TLN2: variants seen among roughly 807,000 people sequenced by gnomAD.
TLN2 encodes the protein talin-2.
In TLN2, 118 loss-of-function variants were observed where a neutral mutation model predicts 294.7. That is an observed-to-expected ratio of 0.40 (90% CI 0.34 to 0.47). The LOEUF is 0.47. TLN2 is among the 20% of genes least tolerant of loss of function. The pLI is 0.84. For missense variants in TLN2, 3,083 were observed against 3,282.2 expected, an observed-to-expected ratio of 0.94 and a Z score of 1.48; for synonymous variants, 1,431 against 1,304.5, an observed-to-expected ratio of 1.10 and a Z score of -2.09.
chr15:62,712,095 T>A lies in TLN2; in HGVS notation c.2634+18T>A, dbSNP rs1018727588. The A allele has an allele frequency of 9.3e-6, 15 of 1,611,190 alleles. No individual in the cohort carries two copies. The highest frequency in any genetic ancestry group is 2.7e-5 in the African/African-American group (2 of 75,018). Reference sequence around the variant, plus strand: ...CTGCAAAGGTATTCTACTGGATTTGTTTGTATGAAAAGTGAACACTATTAA... The same window carrying A: ...CTGCAAAGGTATTCTACTGGATTTGATTGTATGAAAAGTGAACACTATTAA... On this transcript the variant is annotated intron_variant, in intron 22 of 58. Coordinates refer to ENST00000636159, the MANE Select transcript of TLN2 (RefSeq NM_015059.3).
chr15:62,762,497 G>A (rs1300718729), intron 39 of TLN2, 44 bp downstream of exon 39: 9 of 1,601,138 alleles, frequency 5.6e-6, no homozygotes, highest in Non-Finnish European at 6.0e-6. Flanking sequence ...GCATCTCAGC[G>A]GGGAAGGAGG....
chr15:62,824,726 AAGTTTGGGATTATG>A (rs1344927877), intron 54 of TLN2, among the ~76,000 whole-genome samples: 1 of 152,222 alleles, frequency 6.6e-6, no homozygotes, highest in African/African-American at 2.4e-5. Context: ...CTGTGGCAGG[AAGTTTGGGATTATG>A]ATATAGAAAA....
At chr15:62,718,279 T>A (rs2059910800) in intron 24 of TLN2, among the ~76,000 whole-genome samples, 1 of 152,192 alleles carries the variant, frequency 6.6e-6, no homozygotes, top group Non-Finnish European at 1.5e-5. Context: ...CCCCCAGGGC[T>A]CCTCTTAATG....
chr15:62,617,962 CTTTTTTT>C (rs768055599), intron 2 of TLN2, among the ~76,000 whole-genome samples: 1,423 of 136,150 alleles, frequency 0.01, 30 homozygotes, highest in African/African-American at 0.036. Flanking sequence ...TCAGGCAATT[CTTTTTTT>C]TTTTTTTTTT....
intron 3 of TLN2, among the ~76,000 whole-genome samples, chr15:62,634,721 C>T (rs577317427): frequency 6.6e-6 from 1 of 152,294 alleles, no homozygotes; most frequent in South Asian, 2.1e-4. Flanking sequence ...CATCAGCATA[C>T]TTCAATTTAG....
chr15:62,439,317 A>G (rs2035438012), intron 1 of TLN2, among the ~76,000 whole-genome samples: 2 of 152,000 alleles, frequency 1.3e-5, no homozygotes, highest in South Asian at 4.2e-4. Flanking sequence ...TATCTGAGCC[A>G]GTTGTTTTTT....
chr15:62,440,679 C>T (rs2035502469), intron 1 of TLN2, among the ~76,000 whole-genome samples: 1 of 152,168 alleles, frequency 6.6e-6, no homozygotes, highest in African/African-American at 2.4e-5. Context: ...TGGATCCCCG[C>T]AGCAGGAATT....
intron 1 of TLN2, among the ~76,000 whole-genome samples, chr15:62,539,901 A>G (rs1486074466): frequency 1.4e-5 from 2 of 146,140 alleles, no homozygotes; most frequent in Non-Finnish European, 3.0e-5. Flanking sequence ...CAGGAGACCA[A>G]AAAAAAAAAA....
intron 29 of TLN2, among the ~76,000 whole-genome samples, chr15:62,737,454 GAAGTTTTC>G (rs2061086832): frequency 6.6e-6 from 1 of 152,210 alleles, no homozygotes; most frequent in African/African-American, 2.4e-5. Context: ...TGGCCACTCA[GAAGTTTTC>G]AACCCTGGCG....
chr15:62,550,442 G>T (rs1268032179), intron 1 of TLN2, among the ~76,000 whole-genome samples: 2 of 152,190 alleles, frequency 1.3e-5, no homozygotes, highest in Non-Finnish European at 2.9e-5. Context: ...TATTAGCTCA[G>T]TGATTTTGGA....
At chr15:62,576,041 C>T (rs148924995) in intron 1 of TLN2, among the ~76,000 whole-genome samples, 1 of 152,158 alleles carries the variant, frequency 6.6e-6, no homozygotes, top group East Asian at 1.9e-4. Flanking sequence ...TCTTGGTCTG[C>T]AGGGGTCTGT....
chr15:62,627,936 C>A (rs963433291), intron 3 of TLN2, among the ~76,000 whole-genome samples: 1 of 152,072 alleles, frequency 6.6e-6, no homozygotes, highest in Non-Finnish European at 1.5e-5. Flanking sequence ...GAATTTAATC[C>A]ATGAAGATTC....
At chr15:62,723,444 AC>A (rs2060262449) in intron 26 of TLN2, among the ~76,000 whole-genome samples, 1 of 151,390 alleles carries the variant, frequency 6.6e-6, no homozygotes, top group African/African-American at 2.4e-5. Context: ...TGAGACACAC[AC>A]CAACATTGAA....
intron 1 of TLN2, among the ~76,000 whole-genome samples, chr15:62,455,251 A>C (rs1181647904): frequency 2.6e-5 from 4 of 151,554 alleles, no homozygotes; most frequent in Non-Finnish European, 5.9e-5. Context: ...TGCAGTTTCC[A>C]GGTGAGGAGA....
At chr15:62,493,079 G>C (rs181305735) in intron 1 of TLN2, among the ~76,000 whole-genome samples, 1 of 152,170 alleles carries the variant, frequency 6.6e-6, no homozygotes, top group Non-Finnish European at 1.5e-5. Context: ...GGGGTGCTTG[G>C]TCGGATGTTC....
chr15:62,783,111 G>T (rs553652288), intron 44 of TLN2, among the ~76,000 whole-genome samples: 1 of 152,298 alleles, frequency 6.6e-6, no homozygotes, highest in Non-Finnish European at 1.5e-5. Context: ...TTGACCATGT[G>T]GGCTACACAC....
intron 58 of TLN2, among the ~76,000 whole-genome samples, chr15:62,839,778 A>G (rs1459113536): frequency 6.6e-6 from 1 of 152,188 alleles, no homozygotes; most frequent in Non-Finnish European, 1.5e-5. Flanking sequence ...GTGTTTCTCC[A>G]TGCGCTAATT....
At chr15:62,463,485 C>T (rs1405698327) in intron 1 of TLN2, among the ~76,000 whole-genome samples, 1 of 151,954 alleles carries the variant, frequency 6.6e-6, no homozygotes, top group Non-Finnish European at 1.5e-5. Flanking sequence ...TCCATGTTAC[C>T]TTTGTTAATG....
chr15:62,583,610 C>G (rs2045334128), intron 1 of TLN2, among the ~76,000 whole-genome samples: 1 of 151,926 alleles, frequency 6.6e-6, no homozygotes, highest in Non-Finnish European at 1.5e-5. Flanking sequence ...GTGAACATTT[C>G]AAAGTCAATT....
Sources: allele counts gnomAD v4.1 joint callset (sites outside exome capture counted in the v4.1 genomes callset), GRCh38; gene constraint gnomAD v4.1.1; transcripts MANE v1.5; gene names NCBI Gene and HGNC (gene_info 2026-07-23, HGNC 2026-07-21).